APOB: variants seen among roughly 807,000 people sequenced by gnomAD.
APOB encodes apolipoprotein B.
Under a neutral mutation model 314.1 loss-of-function variants are expected in APOB, and 153 were observed. That is an observed-to-expected ratio of 0.49 (90% CI 0.43 to 0.56). APOB has a LOEUF of 0.56. APOB is among the 20% of genes least tolerant of loss of function. The pLI is 0.00. For missense variants in APOB, 5,430 were observed against 5,350.7 expected (o/e 1.01, Z -0.46); for synonymous variants, 2,087 against 2,036.4 (o/e 1.02, Z -0.67).
In APOB at chr2:21,009,714, T is replaced by A; in HGVS notation, c.7154A>T (p.Lys2385Met). 1 of 1,613,728 alleles carries A rather than the reference T, an allele frequency of 6.2e-7. No individual in the cohort carries two copies. Among genetic ancestry groups the A allele is most frequent in the East Asian group, 2.2e-5 (1 of 44,866 alleles). Reference sequence around the variant, plus strand: ...CAATTTCTCAAAGTAATCTTTTATCTTAACTTGTTGTAGGACATTGCTTAG... The same window carrying A: ...CAATTTCTCAAAGTAATCTTTTATCATAACTTGTTGTAGGACATTGCTTAG... Reference protein sequence around the residue: ...QKLSNVLQQVKIKDYFEKLVG... With the variant: ...QKLSNVLQQVMIKDYFEKLVG... Residue 2385 changes from lysine (K) to methionine (M), a missense_variant, in exon 26 of 29, where the codon AAG (lysine) becomes ATG (methionine). Around this residue, in one of 3 missense-constraint regions of APOB, gnomAD observed 3,281 missense variants for 3,171.0 expected, o/e 1.03. Transcript: ENST00000233242.
chr2:21,042,599 TTTAA>T, intron 2 of APOB, 123 bp from the exon 3 acceptor site: 1 of 739,424 alleles, frequency 1.4e-6, no homozygotes. Flanking sequence ...CAAATTATTT[TTTAA>T]TTGACTTTAT....
intron 3 of APOB, 57 bp from the exon 4 acceptor site, chr2:21,041,140 C>G (rs1394336728): frequency 6.3e-7 from 1 of 1,575,426 alleles, no homozygotes; most frequent in Non-Finnish European, 8.6e-7. Context: ...AGAGGTGGCC[C>G]CTGAAGCCCA....
At position 21,004,252 on chromosome 2, in the gene APOB, C is replaced by A. The variant is rs759054370; in HGVS notation, c.12087+17G>T. On this transcript the variant is annotated intron_variant, in intron 28 of 28. Coordinates refer to ENST00000233242, the MANE Select transcript of APOB (RefSeq NM_000384.3). Reference sequence around the variant, plus strand: ...CACTCGCTCTTGGGGGCGTGTCACTCATTAGGTGGTATTTACCTGAGGGCT... The same window carrying A: ...CACTCGCTCTTGGGGGCGTGTCACTAATTAGGTGGTATTTACCTGAGGGCT... 6.2e-7 allele frequency: 1 copy of A among 1,613,452 alleles called. No individual in the cohort carries two copies. Among genetic ancestry groups the A allele is most frequent in the South Asian group, 1.1e-5 (1 of 91,066 alleles).
intron 20 of APOB, among the ~76,000 whole-genome samples, chr2:21,018,528 C>T (rs1663529548): frequency 6.6e-6 from 1 of 152,182 alleles, no homozygotes; most frequent in Non-Finnish European, 1.5e-5. Context: ...TTTGCACTTG[C>T]TGGTCCCTCT....
Position 21,002,532 on chromosome 2 carries a change from C to T in APOB, c.12890G>A (p.Arg4297His), listed in dbSNP as rs375701380. 51 of 1,613,582 alleles carry T rather than the reference C, an allele frequency of 3.2e-5. No homozygotes were observed. Among genetic ancestry groups the T allele is most frequent in the South Asian group, 7.7e-5 (7 of 91,080 alleles). Residue 4297 changes from arginine (R) to histidine (H), a missense_variant, in exon 29 of 29, where the codon CGT becomes CAT. By Grantham distance (29) the Arg-to-His change is conservative (BLOSUM62 0). Coordinates refer to ENST00000233242, the MANE Select transcript of APOB (RefSeq NM_000384.3). Reference sequence around the variant, plus strand: ...GAATTGTAAAAGGTCCTGAAGATTACGTAGCACCTCTGTGGTCTTGAGAGA... The same window carrying T: ...GAATTGTAAAAGGTCCTGAAGATTATGTAGCACCTCTGTGGTCTTGAGAGA... Reference protein sequence around the residue: ...IQSLKTTEVLRNLQDLLQFIF... With the variant: ...IQSLKTTEVLHNLQDLLQFIF...
At position 21,004,437 on chromosome 2, in the gene APOB, T is replaced by A. The variant is rs1002506152; in HGVS notation, c.11919A>T (p.Lys3973Asn). The change falls in exon 28 of 29, where the codon AAA (lysine) becomes AAT (asparagine). Residue 3973 changes from lysine (K) to asparagine (N), a missense_variant. By Grantham distance (94) the Lys-to-Asn change is moderately conservative. This residue lies in a region of APOB where 3,281 missense variants were observed against 3,171.0 expected (regional missense o/e 1.03). Coordinates refer to ENST00000233242, the MANE Select transcript of APOB (RefSeq NM_000384.3). ...CTGGGCTTTTGATATTGAGGTGCGCTTTTCCTTCCCATTCCCTGAAAGCAG... is the reference window on the plus strand; with the variant it reads ...CTGGGCTTTTGATATTGAGGTGCGCATTTCCTTCCCATTCCCTGAAAGCAG... ...KYEGLQEWEG[K>N]AHLNIKSPAF... 1 of 1,613,982 alleles carries A rather than the reference T, an allele frequency of 6.2e-7. No homozygotes were observed. The highest frequency in any genetic ancestry group is 1.7e-5 in the Admixed American group (1 of 60,000).
At position 21,016,404 on chromosome 2, in the gene APOB, G is replaced by A. The variant is rs772784517; in HGVS notation, c.3332+35C>T. 6 of 1,110,762 alleles carry A rather than the reference G, an allele frequency of 5.4e-6. No homozygotes were observed. The South Asian group carries it at 7.4e-5, about 14-fold the overall frequency. The allele number at this position is 1,110,762 out of a possible 1,614,324, so 68.8% of individuals were successfully genotyped here. On this transcript the variant is annotated intron_variant, in intron 21 of 28. Coordinates refer to ENST00000233242, the MANE Select transcript of APOB (RefSeq NM_000384.3). ...ATAATGAAAAGAACCACCCAGGCCT[G>A]CAGTGCAGGTCAGATGACCCTCGGC...
rs761164094 is a variant in APOB at position 21,006,554 on chromosome 2, C to A, written c.10314G>T (p.Met3438Ile). ...TTCCATTAAGTTCTTGCTTGAAATTCATTCTCAAAATTGGAATTTGGGCTT... is the reference window on the plus strand; with the variant it reads ...TTCCATTAAGTTCTTGCTTGAAATTAATTCTCAAAATTGGAATTTGGGCTT... ...TTKAQIPILR[M>I]NFKQELNGNT... Residue 3438 changes from methionine (M) to isoleucine (I), a missense_variant, in exon 26 of 29, where the codon ATG becomes ATT. Coordinates refer to ENST00000233242, the MANE Select transcript of APOB (RefSeq NM_000384.3). The A allele has an allele frequency of 2.5e-6, 4 of 1,614,072 alleles. No homozygotes were observed. The highest frequency in any genetic ancestry group is 3.4e-6 in the Non-Finnish European group (4 of 1,179,958).
Position 21,007,583 on chromosome 2 carries a change from C to T in APOB, c.9285G>A (p.Gln3095=), listed in dbSNP as rs1572780014. Reference sequence around the variant, plus strand: ...CAGAGAAATTTTGGTTGTACTTATACTGATTGAACCTAGCACTTACTTGCC... The same window carrying T: ...CAGAGAAATTTTGGTTGTACTTATATTGATTGAACCTAGCACTTACTTGCC... The part of the protein sequence containing the change: ...ASWQVSARFN[Q]YKYNQNFSAG... Residue 3095 remains glutamine (Q), a synonymous_variant, in exon 26 of 29, where the codon CAG becomes CAA. Transcript: ENST00000233242. 1 of 1,614,068 alleles carries T rather than the reference C, an allele frequency of 6.2e-7. No homozygotes were observed. The highest frequency in any genetic ancestry group is 8.5e-7 in the Non-Finnish European group (1 of 1,179,954).
intron 17 of APOB, among the ~76,000 whole-genome samples, chr2:21,023,290 T>C (rs1438495421): frequency 6.6e-6 from 1 of 152,218 alleles, no homozygotes; most frequent in Non-Finnish European, 1.5e-5. Flanking sequence ...ATGATAGGAA[T>C]ACTCATTTGT....
chr2:21,022,377 T>C (rs1402687578), intron 18 of APOB, among the ~76,000 whole-genome samples: 1 of 152,238 alleles, frequency 6.6e-6, no homozygotes, highest in African/African-American at 2.4e-5. Flanking sequence ...AAAGAGGCTG[T>C]ATTCCATTAT....
In APOB at chr2:21,037,293, C is replaced by T. The variant is rs776032416; in HGVS notation, c.538-38G>A. The T allele has an allele frequency of 3.7e-5, 59 of 1,598,478 alleles. No individual in the cohort carries two copies. The Middle Eastern group carries it at 6.7e-4, about 18-fold the overall frequency. ...AAGATGCAACCACATGTATTCAACA[C>T]GGGCAACATCCTTGGGTACTTGGGA... On this transcript the variant is annotated intron_variant, in intron 5 of 28. Transcript: ENST00000233242.
chr2:21,002,583 G>T lies in APOB; in HGVS notation c.12839C>A (p.Ala4280Asp), dbSNP rs1277390155. 6.2e-7 allele frequency: 1 copy of T among 1,613,862 alleles called. No individual in the cohort carries two copies. The highest frequency in any genetic ancestry group is 1.3e-5 in the African/African-American group (1 of 74,882). ...RELLKDLSKE[A>D]QEVFKAIQSL... Reference sequence around the variant, plus strand: ...CTGAATGGCTTTAAATACCTCTTGGGCTTCTTTTGATAAATCTTTCAACAG... The same window carrying T: ...CTGAATGGCTTTAAATACCTCTTGGTCTTCTTTTGATAAATCTTTCAACAG... The change falls in exon 29 of 29, where the codon GCC becomes GAC. Residue 4280 changes from alanine to aspartate, a missense_variant. By Grantham distance (126) the Ala-to-Asp change is moderately radical. Around this residue, in one of 3 missense-constraint regions of APOB, gnomAD observed 3,281 missense variants for 3,171.0 expected, o/e 1.03. Transcript: ENST00000233242.
intron 20 of APOB, 53 bp from the exon 21 acceptor site, chr2:21,016,702 G>A (rs1318364950): frequency 1.6e-6 from 2 of 1,283,464 alleles, no homozygotes; most frequent in East Asian, 4.6e-5. Context: ...GCTATGTTTT[G>A]GGCCGGGTGC....
At chr2:21,039,986 C>G (rs768851715) in intron 4 of APOB, among the ~76,000 whole-genome samples, 2 of 152,142 alleles carry the variant, frequency 1.3e-5, no homozygotes, top group South Asian at 2.1e-4. Context: ...AATTTCGTCT[C>G]GTAGCTCTCA....
chr2:21,032,354 T>C lies in APOB; in HGVS notation c.1352A>G (p.Asn451Ser), dbSNP rs765525441. 1.9e-6 allele frequency: 3 copies of C among 1,612,494 alleles called. No homozygotes were observed. The highest frequency in any genetic ancestry group is 2.5e-6 in the Non-Finnish European group (3 of 1,179,896). The change falls in exon 10 of 29, where the codon AAC becomes AGC. Residue 451 changes from asparagine to serine, a missense_variant and splice_region_variant. Physicochemically the swap from Asn to Ser is conservative, Grantham distance 46. Coordinates refer to ENST00000233242, the MANE Select transcript of APOB (RefSeq NM_000384.3). ...TLYALSHAVN[N>S]YHKTNPTGTQ... is the part of the protein sequence containing the mutation. ...GGAGAAATACAGTGTGGAAACTCAC[T>C]TGTTGACCGCGTGGCTCAGCGCATA...
At position 21,010,863 on chromosome 2, in the gene APOB, T is replaced by C; in HGVS notation, c.6005A>G (p.Lys2002Arg). Residue 2002 changes from lysine (K) to arginine (R), a missense_variant, in exon 26 of 29, where the codon AAA becomes AGA. Physicochemically the swap from Lys to Arg is conservative, Grantham distance 26 (BLOSUM62 2). Coordinates refer to ENST00000233242, the MANE Select transcript of APOB (RefSeq NM_000384.3). ...YSQDLDAYNT[K>R]DKIGVELTGR... ...AGTAAGCTCCACGCCAATTTTATCT[T>C]TAGTGTTGTAAGCATCCAAGTCCTG... The C allele has an allele frequency of 6.2e-7, 1 of 1,614,116 alleles. No homozygotes were observed. The highest frequency in any genetic ancestry group is 8.5e-7 in the Non-Finnish European group (1 of 1,179,996).
chr2:21,026,818 A>G lies in APOB; in HGVS notation c.2214T>C (p.Phe738=), dbSNP rs141155070. ...DGVSKVLVDH[F]GYTKDDKHEQ... ...CATGTTTATCATCTTTGGTATAGCC[A>G]AAGTGGTCCACTAAGACCTTAGAGA... is the stretch of plus-strand genomic sequence containing the variant. The change falls in exon 15 of 29, where the codon TTT becomes TTC. Residue 738 remains phenylalanine, a synonymous_variant. Transcript: ENST00000233242. The G allele has an allele frequency of 3.7e-5, 59 of 1,614,090 alleles. No homozygotes were observed. The African/African-American group carries it at 7.1e-4, about 19-fold the overall frequency.
In APOB at chr2:21,021,252, TCCCCA is replaced by T. The variant is rs1195272655; in HGVS notation, c.2817-1352_2817-1348del. 2.4e-3 allele frequency among the ~76,000 whole-genome samples: 363 copies of T among 152,304 alleles called. 2 individuals are homozygous for T. The highest frequency in any genetic ancestry group is 8.3e-3 in the African/African-American group (344 of 41,558). ...CTCTTTTCTTCTTTCTTTTGCCTTG[TCCCCA>T]TACCCAGTTAATCACCCAGTACTTA... On this transcript the variant is annotated intron_variant, in intron 18 of 28. Transcript: ENST00000233242.
Sources: allele counts gnomAD v4.1 joint callset (sites outside exome capture counted in the v4.1 genomes callset), GRCh38; gene constraint gnomAD v4.1.1; regional missense constraint gnomAD v4.1.1; transcripts MANE v1.5; gene names NCBI Gene and HGNC (gene_info 2026-07-23, HGNC 2026-07-21).